Variants in BAZ2B observed in about 807,000 individuals in gnomAD.
BAZ2B encodes the protein bromodomain adjacent to zinc finger domain 2B.
In BAZ2B, 91 loss-of-function variants were observed where a neutral mutation model predicts 246.0. The observed-to-expected ratio is 0.37, with a 90% CI of 0.31 to 0.44. The LOEUF (loss-of-function observed/expected upper bound fraction) is 0.44. Among genes scored for constraint, BAZ2B ranks in the 20% least tolerant of loss-of-function variants. The pLI is 1.00. For synonymous variants in BAZ2B, 855 were observed against 860.0 expected (o/e 0.99, Z 0.10); for missense variants, 2,332 against 2,533.7 (o/e 0.92, Z 1.71).
At chr2:159,583,691 A>C (rs537862839) in intron 1 of BAZ2B, among the ~76,000 whole-genome samples, 1 of 152,328 alleles carries the variant, frequency 6.6e-6, no homozygotes, top group Non-Finnish European at 1.5e-5. Context: ...GGAGAGACAG[A>C]TAACAAAAAT....
the BAZ2B span, among the ~76,000 whole-genome samples, chr2:159,623,188 AAG>A: frequency 6.6e-6 from 1 of 150,778 alleles, no homozygotes; most frequent in South Asian, 2.1e-4. Flanking sequence ...GAAGGAAGGA[AAG>A]AGAGAAAGAG....
chr2:159,423,871 G>T (rs1028951796), intron 13 of BAZ2B, among the ~76,000 whole-genome samples: 2 of 152,212 alleles, frequency 1.3e-5, no homozygotes, highest in Non-Finnish European at 2.9e-5. Flanking sequence ...AGCGGGGAAA[G>T]TGGTGGCGGG....
chr2:159,526,886 A>G (rs1039889982), intron 2 of BAZ2B, among the ~76,000 whole-genome samples: 3 of 151,256 alleles, frequency 2.0e-5, no homozygotes, highest in East Asian at 1.9e-4. Flanking sequence ...GTCTCATTCT[A>G]TCACCCATGC....
intron 2 of BAZ2B, among the ~76,000 whole-genome samples, chr2:159,503,524 T>TA (rs2082040743): frequency 6.6e-6 from 1 of 152,194 alleles, no homozygotes; most frequent in South Asian, 2.1e-4. Context: ...TTAAGTCACT[T>TA]ATAACATTGT....
intron 25 of BAZ2B, among the ~76,000 whole-genome samples, chr2:159,375,885 GGAA>G (rs894516087): frequency 6.6e-6 from 1 of 152,158 alleles, no homozygotes; most frequent in African/African-American, 2.4e-5. Context: ...ATTTTTGAAG[GGAA>G]GAAGATTAGT....
At chr2:159,386,878 C>T (rs1002077772) in intron 21 of BAZ2B, among the ~76,000 whole-genome samples, 8 of 152,072 alleles carry the variant, frequency 5.3e-5, no homozygotes, top group Admixed American at 2.0e-4. Context: ...GCAAAAGAGA[C>T]ATTAATTTTA....
chr2:159,395,542 A>T (rs1016777243), intron 20 of BAZ2B: 2 of 358,288 alleles, frequency 5.6e-6, no homozygotes, highest in African/African-American at 4.3e-5. Context: ...ACACTAAAAA[A>T]AGACAATTAA....
intron 6 of BAZ2B, among the ~76,000 whole-genome samples, chr2:159,441,645 A>T (rs1327754087): frequency 7.2e-6 from 1 of 138,786 alleles, no homozygotes; most frequent in African/African-American, 2.5e-5. Flanking sequence ...CAAATTTTTT[A>T]AATTTAAAAC....
chr2:159,665,963 T>C, the BAZ2B span, among the ~76,000 whole-genome samples: 1 of 152,210 alleles, frequency 6.6e-6, no homozygotes, highest in African/African-American at 2.4e-5. Context: ...CCCTGTTGAC[T>C]AATGATGTTG....
At chr2:159,640,934 A>C in the BAZ2B span, among the ~76,000 whole-genome samples, 1 of 152,068 alleles carries the variant, frequency 6.6e-6, no homozygotes, top group Non-Finnish European at 1.5e-5. Context: ...GAAGAAAACA[A>C]AACAAAAAAT....
rs1194570472 is a variant in BAZ2B at position 159,349,063 on chromosome 2, G to A, written c.5081C>T (p.Ala1694Val). The A allele has an allele frequency of 2.5e-6, 4 of 1,614,118 alleles. No homozygotes were observed. Among genetic ancestry groups the A allele is most frequent in the Admixed American group, 1.7e-5 (1 of 60,016 alleles). ...TACTGGTTTTGCTACTTCAACAGCT[G>A]CAGGTTGAGCTGAAGTGGCCTTTTC... ...QNEKATSAQPAAVEVAKPVDF... is the reference protein window; with the variant it reads ...QNEKATSAQPVAVEVAKPVDF... Residue 1694 changes from alanine (A) to valine (V), a missense_variant, in exon 29 of 37, where the codon GCA becomes GTA. Ala to Val is a moderately conservative substitution (Grantham distance 64). Transcript: ENST00000392783.
intron 2 of BAZ2B, chr2:159,516,502 A>T (rs1377426166): frequency 6.6e-6 from 1 of 152,548 alleles, no homozygotes; most frequent in Non-Finnish European, 1.5e-5. Context: ...CTATTTGTTG[A>T]AACACCTAAA....
the BAZ2B span, among the ~76,000 whole-genome samples, chr2:159,698,907 A>G: frequency 1.3e-5 from 2 of 152,354 alleles, no homozygotes; most frequent in Admixed American, 1.3e-4. Flanking sequence ...TACTCTGTCT[A>G]AAACATATTA....
Position 159,580,886 on chromosome 2 carries a change from C to T in BAZ2B, c.-45-25021G>A, listed in dbSNP as rs1326380349. ...CATATGTAGAAAGCTGAAACTGGAT[C>T]CCTTCCTCACACCTTATACAAAAAT... On this transcript the variant is annotated intron_variant, in intron 1 of 36. Coordinates refer to ENST00000392783, the MANE Select transcript of BAZ2B (RefSeq NM_013450.4). Among the ~76,000 whole-genome samples, 3 of 152,246 alleles carry T rather than the reference C, an allele frequency of 2.0e-5. No individual in the cohort carries two copies. In the East Asian group the frequency reaches 5.8e-4, roughly 29 times the overall value.
chr2:159,663,752 C>T, the BAZ2B span, among the ~76,000 whole-genome samples: 4 of 150,466 alleles, frequency 2.7e-5, no homozygotes, highest in Non-Finnish European at 5.9e-5. Flanking sequence ...CTCCTGACCT[C>T]GTGATCTGCT....
At chr2:159,494,433 AACT>A (rs1374319232) in intron 2 of BAZ2B, among the ~76,000 whole-genome samples, 6 of 152,162 alleles carry the variant, frequency 3.9e-5, no homozygotes, top group African/African-American at 4.8e-5. Flanking sequence ...TAAATATATA[AACT>A]ACTATTTATA....
chr2:159,348,018 C>T (rs1037006452), intron 30 of BAZ2B, among the ~76,000 whole-genome samples: 2 of 151,960 alleles, frequency 1.3e-5, no homozygotes, highest in Admixed American at 6.6e-5. Flanking sequence ...TGTTCACATC[C>T]CTTATATAAA....
At position 159,348,695 on chromosome 2, in the gene BAZ2B, C is replaced by G; in HGVS notation, c.5276G>C (p.Cys1759Ser). The change falls in exon 30 of 37, where the codon TGC becomes TCC. Residue 1759 changes from cysteine (C) to serine (S), a missense_variant. This residue lies in a region of BAZ2B where 676 missense variants were observed against 668.6 expected (regional missense o/e 1.01). Coordinates refer to ENST00000392783, the MANE Select transcript of BAZ2B (RefSeq NM_013450.4). ...QKHLDYITQA[C>S]LKNKDVAIIE... is the part of the protein sequence containing the mutation. ...GTACACACCATCCTTATTCTTGAGG[C>G]AGGCTTGAGTAATATAATCCAAATG... is the stretch of plus-strand genomic sequence containing the variant. The G allele has an allele frequency of 6.2e-7, 1 of 1,600,664 alleles. No individual in the cohort carries two copies. The highest frequency in any genetic ancestry group is 1.1e-5 in the South Asian group (1 of 87,508).
At chr2:159,334,080 C>A (rs987754863) in intron 33 of BAZ2B, among the ~76,000 whole-genome samples, 3 of 152,048 alleles carry the variant, frequency 2.0e-5, no homozygotes, top group Non-Finnish European at 2.9e-5. Flanking sequence ...ATGTATATCC[C>A]TGTAACAACA....
Sources: allele counts gnomAD v4.1 joint callset (sites outside exome capture counted in the v4.1 genomes callset), GRCh38; gene constraint gnomAD v4.1.1; regional missense constraint gnomAD v4.1.1; transcripts MANE v1.5; gene names NCBI Gene and HGNC (gene_info 2026-07-23, HGNC 2026-07-21).